The following CCDC148 variants were observed in gnomAD, a reference collection of about 807,000 sequenced individuals.
CCDC148 encodes coiled-coil domain containing 148, also known as coiled-coil domain-containing protein 148.
In CCDC148, 89 loss-of-function variants were observed where a neutral mutation model predicts 85.7. That is an observed-to-expected ratio of 1.04 (90% confidence interval 0.87 to 1.24). The LOEUF (loss-of-function observed/expected upper bound fraction) is 1.24, where lower values mean the gene tolerates loss of function less well. CCDC148 is among the 50% of genes most tolerant of loss of function. The pLI, the probability that CCDC148 is intolerant of heterozygous loss-of-function variation, is 0.00. For missense variants in CCDC148, 692 were observed against 671.7 expected (o/e 1.03, Z -0.33); for synonymous variants, 230 against 213.9 (o/e 1.08, Z -0.66).
At chr2:158,364,876 A>G (rs1684128235) in intron 1 of CCDC148, among the ~76,000 whole-genome samples, 2 of 152,226 alleles carry the variant, frequency 1.3e-5, no homozygotes, top group East Asian at 1.9e-4. Flanking sequence ...TGAACAGGCA[A>G]TCTACAGAAT....
chr2:158,331,400 A>T (rs976815461), intron 7 of CCDC148, among the ~76,000 whole-genome samples: 10 of 152,138 alleles, frequency 6.6e-5, no homozygotes, highest in Admixed American at 6.5e-4. Context: ...GTTCTTTTAC[A>T]TTTGCTGAGG....
At chr2:158,328,939 A>G (rs7423654) in intron 7 of CCDC148, among the ~76,000 whole-genome samples, 17,399 of 151,118 alleles carry the variant, frequency 0.12, 1,557 homozygotes, top group African/African-American at 0.25. Flanking sequence ...AGTAGAATGC[A>G]AAAATTTTCT....
At chr2:158,330,735 T>G (rs530789087) in intron 7 of CCDC148, among the ~76,000 whole-genome samples, 3 of 152,320 alleles carry the variant, frequency 2.0e-5, no homozygotes, top group Non-Finnish European at 2.9e-5. Context: ...GGTTTAGTTT[T>G]GGGAGGGTGT....
chr2:158,354,318 G>T (rs997487269), intron 2 of CCDC148, among the ~76,000 whole-genome samples: 1 of 151,914 alleles, frequency 6.6e-6, no homozygotes, highest in African/African-American at 2.4e-5. Context: ...CAACAAAATT[G>T]ATAGACCGCT....
chr2:158,252,532 A>G (rs1688835674), intron 9 of CCDC148, among the ~76,000 whole-genome samples: 1 of 151,728 alleles, frequency 6.6e-6, no homozygotes, highest in Non-Finnish European at 1.5e-5. Context: ...AATACCCAAA[A>G]GATAGTTTTC....
chr2:158,358,414 A>T (rs201351931), intron 2 of CCDC148, 35 bp downstream of exon 2: 1 of 1,580,884 alleles, frequency 6.3e-7, no homozygotes, highest in East Asian at 2.3e-5. Flanking sequence ...CGATTTTCTA[A>T]AACTAGAAAA....
intron 1 of CCDC148, among the ~76,000 whole-genome samples, chr2:158,427,872 A>T (rs11683912): frequency 0.061 from 9,324 of 152,254 alleles, 408 homozygotes; most frequent in Admixed American, 0.11. Flanking sequence ...CTTTACTGAA[A>T]AAAAAGAAGG....
chr2:158,351,770 G>A (rs1240494918), intron 2 of CCDC148, among the ~76,000 whole-genome samples: 1 of 152,072 alleles, frequency 6.6e-6, no homozygotes, highest in African/African-American at 2.4e-5. Context: ...ACCTCTGGGG[G>A]CAGAGCACAG....
At chr2:158,352,962 T>C (rs1341282223) in intron 2 of CCDC148, among the ~76,000 whole-genome samples, 2 of 150,116 alleles carry the variant, frequency 1.3e-5, no homozygotes, top group African/African-American at 4.9e-5. Flanking sequence ...CAGAATTTCA[T>C]ATCCAGCCAA....
rs759287522 is a variant in CCDC148, at chr2:158,442,130, G to A, written c.25+14285C>T. ...TTTGCTTTGATAGACAATAGAAAAA[G>A]AGCTCTGTTATAAAAAACAAAGGCT... On this transcript the variant is annotated intron_variant, in intron 1 of 13. Coordinates refer to ENST00000283233, the MANE Select transcript of CCDC148 (RefSeq NM_138803.4). Among the ~76,000 whole-genome samples the A allele has an allele frequency of 2.6e-4, 40 of 152,184 alleles. 1 individual carries two copies. Among genetic ancestry groups the A allele is most frequent in the South Asian group, 8.3e-4 (4 of 4,822 alleles).
chr2:158,333,735 C>A (rs1010626760), intron 7 of CCDC148, among the ~76,000 whole-genome samples: 1 of 151,398 alleles, frequency 6.6e-6, no homozygotes, highest in African/African-American at 2.4e-5. Flanking sequence ...ATAGTTAGAT[C>A]TTCTTGTTGC....
chr2:158,358,406 A>T (rs1286165999), intron 2 of CCDC148, 43 bp downstream of exon 2: 1 of 1,580,818 alleles, frequency 6.3e-7, no homozygotes, highest in East Asian at 2.3e-5. Flanking sequence ...CAGCAATTCG[A>T]TTTTCTAAAA....
intron 10 of CCDC148, among the ~76,000 whole-genome samples, chr2:158,246,955 C>G (rs1009659994): frequency 6.6e-6 from 1 of 152,114 alleles, no homozygotes; most frequent in Non-Finnish European, 1.5e-5. Context: ...TAGAGATGCT[C>G]TTGCTACCAG....
chr2:158,218,857 C>A (rs1268361738), intron 11 of CCDC148, among the ~76,000 whole-genome samples: 1 of 152,206 alleles, frequency 6.6e-6, no homozygotes, highest in Non-Finnish European at 1.5e-5. Flanking sequence ...ATTCTCAGTT[C>A]TCTCAGTAAC....
intron 11 of CCDC148, among the ~76,000 whole-genome samples, chr2:158,194,325 C>T (rs1685563069): frequency 6.6e-6 from 1 of 152,120 alleles, no homozygotes; most frequent in African/African-American, 2.4e-5. Context: ...GCAATTGTAA[C>T]AAGTTAATTG....
At chr2:158,319,273 C>T (rs1294561263) in intron 7 of CCDC148, among the ~76,000 whole-genome samples, 5 of 152,126 alleles carry the variant, frequency 3.3e-5, no homozygotes, top group African/African-American at 9.7e-5. Context: ...AAAAATGAGC[C>T]CCATCTCCAG....
At chr2:158,281,709 C>G (rs1023352723) in intron 9 of CCDC148, among the ~76,000 whole-genome samples, 1 of 152,184 alleles carries the variant, frequency 6.6e-6, no homozygotes, top group African/African-American at 2.4e-5. Flanking sequence ...CAAGGAGGAA[C>G]TGGTACCATT....
At chr2:158,223,759 G>A (rs1264715708) in intron 10 of CCDC148, among the ~76,000 whole-genome samples, 1 of 152,178 alleles carries the variant, frequency 6.6e-6, no homozygotes. Flanking sequence ...AGCTGAGGGT[G>A]CTGACTGTTA....
chr2:158,287,270 G>C (rs1690671406), intron 9 of CCDC148, among the ~76,000 whole-genome samples: 1 of 151,948 alleles, frequency 6.6e-6, no homozygotes, highest in South Asian at 2.1e-4. Flanking sequence ...ATTCCACCCT[G>C]TCCCCTCCCA....
Sources: allele counts gnomAD v4.1 joint callset (sites outside exome capture counted in the v4.1 genomes callset), GRCh38; gene constraint gnomAD v4.1.1; transcripts MANE v1.5; gene names NCBI Gene and HGNC (gene_info 2026-07-23, HGNC 2026-07-21).